The following TFG variants were observed in gnomAD, a reference collection of about 807,000 sequenced individuals.
The protein encoded by TFG is protein TFG.
A neutral mutation model predicts 51.4 loss-of-function variants in TFG; 22 were observed. The observed-to-expected ratio is 0.43, with a 90% CI of 0.31 to 0.61. TFG has a LOEUF of 0.61. Ranked by LOEUF, TFG falls within the 20% of genes least tolerant of loss-of-function variation. The pLI is 0.12. For synonymous variants in TFG, 187 were observed against 165.6 expected, an observed-to-expected ratio of 1.13 and a Z score of -0.99; for missense variants, 419 against 487.7, an observed-to-expected ratio of 0.86 and a Z score of 1.33.
intron 2 of TFG, among the ~76,000 whole-genome samples, chr3:100,716,376 C>CT (rs1172912807): frequency 6.6e-6 from 1 of 152,078 alleles, no homozygotes; most frequent in African/African-American, 2.4e-5. Flanking sequence ...GGACTTCATT[C>CT]TTTTTTATGG....
At chr3:100,713,923 A>AAAG in intron 2 of TFG, 54 bp downstream of exon 2, 8 of 1,193,008 alleles carry the variant, frequency 6.7e-6, no homozygotes, top group South Asian at 1.9e-5. Context: ...AAAAAAAAAA[A>AAAG]AGACAGAGCC....
At chr3:100,733,013 G>A (rs1382098501) in intron 5 of TFG, among the ~76,000 whole-genome samples, 7 of 152,122 alleles carry the variant, frequency 4.6e-5, no homozygotes, top group African/African-American at 1.7e-4. Context: ...TTGATTAGTT[G>A]CAGTATTCGA....
chr3:100,726,472 T>G (rs1178097099), intron 3 of TFG, among the ~76,000 whole-genome samples: 1 of 152,196 alleles, frequency 6.6e-6, no homozygotes, highest in Non-Finnish European at 1.5e-5. Flanking sequence ...CTCACTCTAA[T>G]CAAGCTGACA....
chr3:100,724,817 T>G (rs1456584158), intron 3 of TFG, among the ~76,000 whole-genome samples: 1 of 152,172 alleles, frequency 6.6e-6, no homozygotes, highest in African/African-American at 2.4e-5. Flanking sequence ...TAAAACAGAT[T>G]AAAGGAGAAA....
intron 2 of TFG, among the ~76,000 whole-genome samples, chr3:100,719,229 C>T (rs964728030): frequency 3.9e-5 from 6 of 152,216 alleles, no homozygotes; most frequent in Non-Finnish European, 8.8e-5. Flanking sequence ...AACTCCTCCC[C>T]ACCCAACTGT....
At chr3:100,725,436 A>T (rs1380397964) in intron 3 of TFG, among the ~76,000 whole-genome samples, 1 of 151,846 alleles carries the variant, frequency 6.6e-6, no homozygotes, top group Non-Finnish European at 1.5e-5. Flanking sequence ...AGATTTAATT[A>T]TGTCTATGCT....
chr3:100,734,176 A>AT (rs919127083), intron 5 of TFG, among the ~76,000 whole-genome samples: 126 of 150,240 alleles, frequency 8.4e-4, no homozygotes, highest in Non-Finnish European at 1.2e-3. Context: ...AGAGTTTTTA[A>AT]TTTTTTTTTA....
chr3:100,727,704 T>TA (rs2095079778), intron 3 of TFG, among the ~76,000 whole-genome samples: 2 of 152,320 alleles, frequency 1.3e-5, no homozygotes, highest in South Asian at 2.1e-4. Context: ...TTGCTTTCAT[T>TA]AAAAAATCAC....
chr3:100,724,253 T>C (rs1289577107), intron 3 of TFG, among the ~76,000 whole-genome samples: 1 of 152,174 alleles, frequency 6.6e-6, no homozygotes, highest in Non-Finnish European at 1.5e-5. Flanking sequence ...AACTAGAAAT[T>C]GGAATTGTTA....
chr3:100,721,537 C>A (rs1015000692), intron 3 of TFG, among the ~76,000 whole-genome samples: 1 of 152,046 alleles, frequency 6.6e-6, no homozygotes, highest in Non-Finnish European at 1.5e-5. Flanking sequence ...GGGAAGTCTC[C>A]CTTCAGGATT....
At chr3:100,731,561 A>G (rs1047912164) in intron 4 of TFG, among the ~76,000 whole-genome samples, 1 of 152,226 alleles carries the variant, frequency 6.6e-6, no homozygotes, top group African/African-American at 2.4e-5. Flanking sequence ...ACCAACTTAT[A>G]GTATCATATA....
intron 5 of TFG, among the ~76,000 whole-genome samples, chr3:100,733,263 C>T (rs1341050046): frequency 1.3e-5 from 2 of 152,132 alleles, no homozygotes; most frequent in Non-Finnish European, 2.9e-5. Context: ...GATACTGTCT[C>T]ATGGGTCATT....
chr3:100,722,788 TGAG>T (rs1433685998), intron 3 of TFG, among the ~76,000 whole-genome samples: 1 of 152,142 alleles, frequency 6.6e-6, no homozygotes, highest in Non-Finnish European at 1.5e-5. Context: ...ATTTCACGAA[TGAG>T]GAGAAGTAAA....
chr3:100,724,200 C>G (rs771637543), intron 3 of TFG, among the ~76,000 whole-genome samples: 7 of 151,998 alleles, frequency 4.6e-5, no homozygotes, highest in Non-Finnish European at 7.4e-5. Context: ...TACAAAAGGA[C>G]AAACCTCAAA....
intron 3 of TFG, among the ~76,000 whole-genome samples, chr3:100,727,889 C>T (rs1304869649): frequency 1.3e-5 from 2 of 152,106 alleles, no homozygotes; most frequent in Admixed American, 6.6e-5. Context: ...GGCTGGAGTG[C>T]AGTGGAGTGA....
chr3:100,717,568 C>G (rs1411346990), intron 2 of TFG, among the ~76,000 whole-genome samples: 1 of 134,370 alleles, frequency 7.4e-6, no homozygotes, highest in Non-Finnish European at 1.6e-5. Flanking sequence ...TCTTTGGTTT[C>G]TTTCATCAGT....
intron 3 of TFG, among the ~76,000 whole-genome samples, chr3:100,725,372 T>C (rs1431371946): frequency 6.6e-6 from 1 of 152,068 alleles, no homozygotes. Flanking sequence ...GGATGAAACA[T>C]AAAATTTTTT....
At chr3:100,710,884 A>G (rs1324023574) in intron 1 of TFG, 1 of 152,110 alleles carries the variant, frequency 6.6e-6, no homozygotes, top group Non-Finnish European at 1.5e-5. Flanking sequence ...TCTGTATGTG[A>G]AGTAATGTTG....
intron 7 of TFG, among the ~76,000 whole-genome samples, chr3:100,746,632 T>C (rs986294132): frequency 1.3e-5 from 2 of 151,750 alleles, no homozygotes; most frequent in African/African-American, 2.4e-5. Flanking sequence ...CACACACACA[T>C]GATAGAAGCA....
Sources: gnomAD v4.1 joint callset for allele counts (sites outside exome capture counted in the v4.1 genomes callset) on GRCh38, gnomAD v4.1.1 for gene constraint, MANE v1.5 for transcripts, NCBI Gene and HGNC (gene_info 2026-07-23, HGNC 2026-07-21) for gene names.